Variants in USB1 observed in about 807,000 individuals in gnomAD.
USB1 encodes U6 snRNA phosphodiesterase 1.
Under a neutral mutation model 29.9 loss-of-function variants are expected in USB1, and 21 were observed. That is an observed-to-expected ratio of 0.70 (90% CI 0.50 to 1.01). The LOEUF is 1.01. USB1 is among the 50% of genes least tolerant of loss of function. USB1 has a pLI of 0.00. For missense variants in USB1, 330 were observed against 347.1 expected (o/e 0.95, Z 0.39); for synonymous variants, 143 against 134.9 (o/e 1.06, Z -0.42).
chr16:58,008,421 T>G (rs1401131564), intron 2 of USB1, among the ~76,000 whole-genome samples: 1 of 151,860 alleles, frequency 6.6e-6, no homozygotes, highest in Non-Finnish European at 1.5e-5. Flanking sequence ...AAGATGAAAC[T>G]CAGATGATTG....
At chr16:58,008,988 T>TG (rs1963427943) in intron 2 of USB1, among the ~76,000 whole-genome samples, 1 of 152,264 alleles carries the variant, frequency 6.6e-6, no homozygotes, top group South Asian at 2.1e-4. Flanking sequence ...TTAGTCTAAT[T>TG]TCATTGTGGC....
rs567360825 is a variant in USB1, at chr16:58,002,594, C to T, written c.214C>T (p.Arg72Cys). 71 of 1,613,998 alleles carry T rather than the reference C, an allele frequency of 4.4e-5. No individual in the cohort carries two copies. Among genetic ancestry groups the T allele is most frequent in the African/African-American group, 8.0e-5 (6 of 75,020 alleles). The change falls in exon 2 of 7, where the codon CGC (arginine) becomes TGC (cysteine). Residue 72 changes from arginine (R) to cysteine (C), a missense_variant. By Grantham distance (180) the Arg-to-Cys change is radical. Transcript: ENST00000219281. Reference protein sequence around the residue: ...DDSTKHGGRVRTFPHERGNWA... With the variant: ...DDSTKHGGRVCTFPHERGNWA... The stretch of plus-strand genomic sequence containing the variant: ...CAGCACAAAACACGGGGGACGGGTG[C>T]GCACCTTCCCCCACGAGCGAGGCAA...
At position 58,010,021 on chromosome 16, in the gene USB1, C is replaced by T. The variant is rs752648429; in HGVS notation, c.358C>T (p.His120Tyr). 1 of 1,614,098 alleles carries T rather than the reference C, an allele frequency of 6.2e-7. No homozygotes were observed. ...CCGGCTGGTAAGGATGAAGGTGTTC[C>T]ACCTCAGCCTGTCCCAGAGTGTGGT... ...VPRLVRMKVF[H>Y]LSLSQSVVLR... Residue 120 changes from histidine (H) to tyrosine (Y), a missense_variant, in exon 3 of 7, where the codon CAC becomes TAC. Transcript: ENST00000219281.
At chr16:58,012,223 C>G (rs552659751) in intron 3 of USB1, 2 of 1,523,296 alleles carry the variant, frequency 1.3e-6, no homozygotes, top group East Asian at 4.9e-5. Context: ...GGAATAAGGG[C>G]TGAAACTCAT....
intron 4 of USB1, 115 bp from the exon 5 acceptor site, chr16:58,017,219 C>T (rs1963636288): frequency 1.0e-5 from 9 of 868,970 alleles, no homozygotes; most frequent in South Asian, 5.3e-5. Context: ...ACCAGGGAGA[C>T]GGTGAGACCC....
intron 6 of USB1, 110 bp downstream of exon 6, chr16:58,019,165 T>A: frequency 8.7e-7 from 1 of 1,145,804 alleles, no homozygotes; most frequent in Non-Finnish European, 1.3e-6. Context: ...GGGAAACAAA[T>A]GACATGGCAG....
upstream of USB1, among the ~76,000 whole-genome samples, chr16:58,000,169 T>C (rs1963132403): frequency 6.6e-6 from 1 of 152,030 alleles, no homozygotes; most frequent in African/African-American, 2.4e-5. This position sits in a 1 kb window ranked among gnomAD's most constrained non-coding sequence, Gnocchi z 4.5. Context: ...GCCCGGCCGC[T>C]GCGACCCGAG....
Position 58,020,379 on chromosome 16 carries a change from A to G in USB1, c.*134A>G. The G allele has an allele frequency of 2.6e-6, 2 of 766,652 alleles. No homozygotes were observed. Among genetic ancestry groups the G allele is most frequent in the Non-Finnish European group, 4.6e-6 (2 of 436,486 alleles). 47.5% of individuals were successfully genotyped at this position (766,652 alleles called of 1,614,324 possible). A position where few individuals can be genotyped will look rare whatever the true frequency, so the allele number is the denominator to read the frequency against. On this transcript the variant is annotated 3_prime_UTR_variant, in exon 7 of 7. Transcript: ENST00000219281. Reference sequence around the variant, plus strand: ...ATGCCTTCAACCTGGCAGGAGGTGTAGCCACTCCTCATCCTCCCTGAGTGC... The same window carrying G: ...ATGCCTTCAACCTGGCAGGAGGTGTGGCCACTCCTCATCCTCCCTGAGTGC...
At chr16:58,019,952 A>C (rs889073580) in intron 6 of USB1, among the ~76,000 whole-genome samples, 189 bp from the exon 7 acceptor site, 1 of 152,004 alleles carries the variant, frequency 6.6e-6, no homozygotes, top group Non-Finnish European at 1.5e-5. Flanking sequence ...TCATCTGTAA[A>C]GTTGAGATGA....
rs545945972 is a variant in USB1 at position 58,013,655 on chromosome 16, C to T, written c.450-618C>T. ...ATTTCACACCAACAGACCTATTCCCCTCACGAAAGCGTCATAGGTGACAAC... is the reference window on the plus strand; with the variant it reads ...ATTTCACACCAACAGACCTATTCCCTTCACGAAAGCGTCATAGGTGACAAC... On this transcript the variant is annotated intron_variant, in intron 3 of 6. Coordinates refer to ENST00000219281, the MANE Select transcript of USB1 (RefSeq NM_024598.4). The surrounding 1 kb of genome is among the most constrained non-coding windows in gnomAD (Gnocchi z 4.3). The T allele has an allele frequency of 4.0e-5, 39 of 985,686 alleles. No homozygotes were observed. Among genetic ancestry groups the T allele is most frequent in the Middle Eastern group, 5.2e-4 (1 of 1,906 alleles). 61.1% of individuals were successfully genotyped at this position (985,686 alleles called of 1,614,324 possible).
rs1044049791 is a variant in USB1, at chr16:58,011,592, G to A, written c.449+1480G>A. On this transcript the variant is annotated intron_variant, in intron 3 of 6. Coordinates refer to ENST00000219281, the MANE Select transcript of USB1 (RefSeq NM_024598.4). ...TGACTCCTCTGTCCAGAGATCAGTC[G>A]GTCCTGTGGTTGTTTCACAGGTGAC... 10 of 990,262 alleles carry A rather than the reference G, an allele frequency of 1.0e-5. No homozygotes were observed. The African/African-American group carries it at 1.2e-4, about 12-fold the overall frequency. The allele number at this position is 990,262 out of a possible 1,614,324, so 61.3% of individuals were successfully genotyped here. A position where few individuals can be genotyped will look rare whatever the true frequency, so the allele number is the denominator to read the frequency against.
At chr16:58,012,209 C>T in intron 3 of USB1, 2 of 1,502,290 alleles carry the variant, frequency 1.3e-6, no homozygotes, top group South Asian at 2.5e-5. Context: ...AGACACTCGG[C>T]CAGGGAATAA....
rs16959640 is a variant in USB1, at chr16:58,019,070, C to A, written c.693+15C>A. The A allele has an allele frequency of 1.2e-6, 2 of 1,613,314 alleles. No homozygotes were observed. Among genetic ancestry groups the A allele is most frequent in the African/African-American group, 2.7e-5 (2 of 74,804 alleles). ...AGGAACTACAGGTGAATTTCCAGGG[C>A]GGGAGCACAGAGGGCGCTGAACTCC... On this transcript the variant is annotated intron_variant, in intron 6 of 6. Transcript: ENST00000219281.
Position 58,002,811 on chromosome 16 carries a change from A to G in USB1, c.265+166A>G, listed in dbSNP as rs572099405. On this transcript the variant is annotated intron_variant, in intron 2 of 6. Coordinates refer to ENST00000219281, the MANE Select transcript of USB1 (RefSeq NM_024598.4). ...AAAGAGCAGGTTTCAAGAACTGGGG[A>G]TTTTTCTGTCATCTTGGTTTTGAAT... 10 of 1,016,054 alleles carry G rather than the reference A, an allele frequency of 9.8e-6. No individual in the cohort carries two copies. In the Admixed American group the frequency reaches 1.5e-4, roughly 15 times the overall value. The allele number at this position is 1,016,054 out of a possible 1,614,324, so 62.9% of individuals were successfully genotyped here.
At chr16:58,004,948 G>T (rs1211116765) in intron 2 of USB1, among the ~76,000 whole-genome samples, 1 of 152,216 alleles carries the variant, frequency 6.6e-6, no homozygotes. Flanking sequence ...CAAAGGGTCA[G>T]GGTAAGGAGT....
intron 2 of USB1, among the ~76,000 whole-genome samples, chr16:58,009,394 C>T (rs1326205286): frequency 6.6e-6 from 1 of 152,142 alleles, no homozygotes; most frequent in Non-Finnish European, 1.5e-5. Context: ...GGCTGTAATT[C>T]AGTAAGTTTC....
At chr16:58,017,016 T>G in intron 4 of USB1, 1 of 385,092 alleles carries the variant, frequency 2.6e-6, no homozygotes, top group Non-Finnish European at 5.0e-6. Context: ...GCGATTGGAA[T>G]GATGATGGAG....
intron 3 of USB1, chr16:58,011,208 G>A: frequency 1.3e-6 from 2 of 1,513,300 alleles, no homozygotes; most frequent in South Asian, 1.2e-5. Flanking sequence ...AGGAACTGGA[G>A]GCTGAGACCA....
chr16:58,017,594 G>T (rs1325599384), intron 5 of USB1, among the ~76,000 whole-genome samples, 155 bp downstream of exon 5: 2 of 152,236 alleles, frequency 1.3e-5, no homozygotes, highest in Non-Finnish European at 2.9e-5. Flanking sequence ...ACACCTCGGG[G>T]GGTGAGGGCT....
Sources: allele counts gnomAD v4.1 joint callset (sites outside exome capture counted in the v4.1 genomes callset), GRCh38; gene constraint gnomAD v4.1.1; non-coding constraint Gnocchi (gnomAD v3.1); transcripts MANE v1.5; gene names NCBI Gene and HGNC (gene_info 2026-07-23, HGNC 2026-07-21).